PTDSS2: variants seen among roughly 807,000 people sequenced by gnomAD.
The protein encoded by PTDSS2 is PSS-2.
In PTDSS2, 41 loss-of-function variants were observed where a neutral mutation model predicts 64.7. The ratio of observed to expected loss-of-function variants is 0.63; its 90% CI spans 0.49 to 0.82. The LOEUF (loss-of-function observed/expected upper bound fraction) is 0.82, where lower values mean the gene tolerates loss of function less well. Among genes scored for constraint, PTDSS2 ranks in the 40% least tolerant of loss-of-function variants. The probability of loss-of-function intolerance (pLI) is 0.00; values close to 1 mark genes in which losing one functional copy is unlikely to be tolerated. For synonymous variants in PTDSS2, 297 were observed against 277.8 expected (o/e 1.07, Z -0.69); for missense variants, 485 against 650.0 (o/e 0.75, Z 2.76).
At chr11:490,187 C>T in intron 11 of PTDSS2, 119 bp downstream of exon 11, 1 of 1,250,554 alleles carries the variant, frequency 8.0e-7, no homozygotes, top group Non-Finnish European at 1.1e-6. Context: ...AACCCTCTGG[C>T]CGCCTCTGCG....
At chr11:457,314 G>A (rs916577906) in intron 1 of PTDSS2, among the ~76,000 whole-genome samples, 4 of 152,246 alleles carry the variant, frequency 2.6e-5, no homozygotes, top group East Asian at 1.9e-4. Context: ...CGGAAGGCCC[G>A]TGTCTCCGCT....
At chr11:486,878 C>T (rs1024964031) in intron 4 of PTDSS2, 61 bp from the exon 5 acceptor site, 10 of 1,539,224 alleles carry the variant, frequency 6.5e-6, no homozygotes, top group Non-Finnish European at 7.0e-6. Flanking sequence ...CAACCATGAT[C>T]TCCCGTTTCA....
At chr11:490,172 G>A in intron 11 of PTDSS2, 104 bp downstream of exon 11, 3 of 1,325,474 alleles carry the variant, frequency 2.3e-6, no homozygotes, top group Non-Finnish European at 3.1e-6. Context: ...CACTGTCCCT[G>A]CTTCAACCCT....
At chr11:463,378 C>G (rs1481916935) in intron 2 of PTDSS2, 1 of 150,852 alleles carries the variant, frequency 6.6e-6, no homozygotes, top group Admixed American at 6.6e-5. Flanking sequence ...CAGGGCCCAC[C>G]ACCATGCCCA....
intron 3 of PTDSS2, among the ~76,000 whole-genome samples, chr11:475,272 A>C (rs1390353974): frequency 6.9e-6 from 1 of 144,038 alleles, no homozygotes; most frequent in Non-Finnish European, 1.5e-5. Context: ...CGCGTTTGTG[A>C]TACGGCCATA....
chr11:483,488 G>A (rs1043359815), intron 4 of PTDSS2, among the ~76,000 whole-genome samples: 1 of 152,256 alleles, frequency 6.6e-6, no homozygotes, highest in African/African-American at 2.4e-5. Context: ...GAAAGTTCTA[G>A]TATATTCCTA....
At chr11:474,317 G>A (rs61876328) in intron 3 of PTDSS2, among the ~76,000 whole-genome samples, 2 of 151,940 alleles carry the variant, frequency 1.3e-5, no homozygotes, top group Non-Finnish European at 2.9e-5. Context: ...GGGCAGGTGG[G>A]TGAGGGCACC....
rs752894796 is a variant in PTDSS2, at chr11:489,745, G to A, written c.1115+12G>A. On this transcript the variant is annotated intron_variant, in intron 10 of 11. Coordinates refer to ENST00000308020, the MANE Select transcript of PTDSS2 (RefSeq NM_030783.3). ...TTCATGGATGACCCGTGAGGGCTGC[G>A]GCAGTCCGGGTGGAGACACCCCCGG... 3.9e-5 allele frequency: 62 copies of A among 1,605,808 alleles called. No homozygotes were observed. The highest frequency in any genetic ancestry group is 1.6e-4 in the Middle Eastern group (1 of 6,070).
intron 4 of PTDSS2, among the ~76,000 whole-genome samples, chr11:484,810 C>CGT (rs146654898): frequency 3.9e-5 from 5 of 128,496 alleles, no homozygotes; most frequent in South Asian, 2.5e-4. Context: ...TGCACGGGCG[C>CGT]GTGTGCTCAC....
At chr11:488,387 GC>G in intron 7 of PTDSS2, 75 bp downstream of exon 7, 1 of 1,407,278 alleles carries the variant, frequency 7.1e-7, no homozygotes. Flanking sequence ...GCCCAGCGCG[GC>G]CCCTGGACCC....
In PTDSS2 at chr11:476,234, G is replaced by A. The variant is rs550392187; in HGVS notation, c.367+2257G>A. Among the ~76,000 whole-genome samples, 15 of 152,354 alleles carry A rather than the reference G, an allele frequency of 9.8e-5. No individual in the cohort carries two copies. The highest frequency in any genetic ancestry group is 5.9e-5 in the Non-Finnish European group (4 of 68,036). On this transcript the variant is annotated intron_variant, in intron 3 of 11. Transcript: ENST00000308020. This position sits in a 1 kb window ranked among gnomAD's most constrained non-coding sequence, Gnocchi z 4.9. ...CTGCCCAGCCGGCTGAGCACAGACG[G>A]TCTTGCCTCCAAGGGGTTTGGATTC...
At chr11:488,043 G>GA (rs1848479304) in intron 6 of PTDSS2, among the ~76,000 whole-genome samples, 156 bp from the exon 7 acceptor site, 1 of 137,304 alleles carries the variant, frequency 7.3e-6, no homozygotes, top group Non-Finnish European at 1.6e-5. Context: ...TACTCTGGCT[G>GA]CCAGCCGGGT....
At chr11:465,763 C>CG (rs1554950080) in intron 2 of PTDSS2, among the ~76,000 whole-genome samples, 9 of 150,774 alleles carry the variant, frequency 6.0e-5, no homozygotes, top group African/African-American at 2.0e-4. Context: ...ACCCCCCCCC[C>CG]ATCTCTACTA....
In PTDSS2 at chr11:490,060, C is replaced by T. The variant is rs1848600813; in HGVS notation, c.1293C>T (p.Phe431=). 1.2e-6 allele frequency: 2 copies of T among 1,606,484 alleles called. No individual in the cohort carries two copies. Among genetic ancestry groups the T allele is most frequent in the South Asian group, 1.1e-5 (1 of 91,032 alleles). The change falls in exon 11 of 12, where the codon TTC becomes TTT. Residue 431 remains phenylalanine, a synonymous_variant. Transcript: ENST00000308020. The stretch of plus-strand genomic sequence containing the variant: ...CGCTCACCTGGACCGTCTGGCGCTT[C>T]TTCCTGCGGTGAGTCAGGGCAGGGC... ...VLALTWTVWR[F]FLRDITLRYK...
At chr11:471,749 T>TGGCCTGGGGTGACGCGGATGGC (rs1847454092) in intron 2 of PTDSS2, among the ~76,000 whole-genome samples, 1 of 92,440 alleles carries the variant, frequency 1.1e-5, no homozygotes, top group Non-Finnish European at 2.1e-5. Context: ...ACGCAGATGG[T>TGGCCTGGGGTGACGCGGATGGC]GGCCTGGGGT....
intron 1 of PTDSS2, among the ~76,000 whole-genome samples, chr11:455,693 G>A (rs1458517213): frequency 1.3e-5 from 2 of 152,242 alleles, no homozygotes; most frequent in Non-Finnish European, 2.9e-5. Context: ...TATGGTCTCC[G>A]GAGATGCCTC....
Position 490,068 on chromosome 11 carries a change from G to C in PTDSS2, c.1301G>C (p.Arg434Pro), listed in dbSNP as rs568233449. ...TGGACCGTCTGGCGCTTCTTCCTGC[G>C]GTGAGTCAGGGCAGGGCGCGTATGT... ...LTWTVWRFFL[R>P]DITLRYKETR... The change falls in exon 11 of 12, where the codon CGG (arginine) becomes CCG (proline). Residue 434 changes from arginine to proline, a missense_variant and splice_region_variant. Around this residue, in one of 3 missense-constraint regions of PTDSS2, gnomAD observed 219 missense variants for 257.3 expected, o/e 0.85. Coordinates refer to ENST00000308020, the MANE Select transcript of PTDSS2 (RefSeq NM_030783.3). The C allele has an allele frequency of 1.9e-6, 3 of 1,604,596 alleles. No homozygotes were observed. Among genetic ancestry groups the C allele is most frequent in the Middle Eastern group, 1.7e-4 (1 of 6,034 alleles).
At chr11:453,687 G>T (rs530655281) in intron 1 of PTDSS2, among the ~76,000 whole-genome samples, 1 of 152,366 alleles carries the variant, frequency 6.6e-6, no homozygotes, top group East Asian at 1.9e-4. Context: ...AAGGGCCAGT[G>T]CCCGGTCCAG....
chr11:466,598 G>A (rs943372462), intron 2 of PTDSS2, among the ~76,000 whole-genome samples: 19 of 152,014 alleles, frequency 1.2e-4, no homozygotes, highest in Middle Eastern at 3.4e-3. Flanking sequence ...TAATAGAGAC[G>A]AGGTTTCACC....
Sources: gnomAD v4.1 joint callset for allele counts (sites outside exome capture counted in the v4.1 genomes callset) on GRCh38, gnomAD v4.1.1 for gene constraint, gnomAD v4.1.1 regional missense constraint, Gnocchi (gnomAD v3.1) non-coding constraint, MANE v1.5 for transcripts, NCBI Gene and HGNC (gene_info 2026-07-23, HGNC 2026-07-21) for gene names.